The following SLC12A5 variants were observed in gnomAD, a reference collection of about 807,000 sequenced individuals.
SLC12A5 encodes K-Cl cotransporter 2.
SLC12A5 carries 18 observed loss-of-function variants against 124.0 expected under a neutral mutation model. The observed-to-expected ratio is 0.15, with a 90% CI of 0.10 to 0.22. SLC12A5 has a LOEUF of 0.22. Among genes scored for constraint, SLC12A5 ranks in the 10% least tolerant of loss-of-function variants. SLC12A5 has a pLI of 1.00. For missense variants in SLC12A5, 867 were observed against 1,478.7 expected (o/e 0.59, Z 6.78); for synonymous variants, 589 against 568.0 (o/e 1.04, Z -0.53).
chr20:46,029,058 T>A (rs2084421414), upstream of SLC12A5: 4 of 1,175,064 alleles, frequency 3.4e-6, no homozygotes, highest in South Asian at 5.0e-5. Context: ...CCCCTCATCT[T>A]CTCTTCTCTC....
intron 21 of SLC12A5, among the ~76,000 whole-genome samples, chr20:46,055,403 G>A (rs1425972363): frequency 2.0e-5 from 3 of 152,174 alleles, no homozygotes; most frequent in Non-Finnish European, 2.9e-5. Context: ...ACAGATGGGT[G>A]TTTAGAGATA....
intron 1 of SLC12A5, among the ~76,000 whole-genome samples, chr20:46,033,863 G>A (rs1050327974): frequency 2.0e-5 from 3 of 152,078 alleles, no homozygotes; most frequent in Non-Finnish European, 4.4e-5. Flanking sequence ...CCCTTACCTG[G>A]GTTACTGAAA....
chr20:46,037,814 G>T (rs1284268909), intron 6 of SLC12A5, among the ~76,000 whole-genome samples: 1 of 152,236 alleles, frequency 6.6e-6, no homozygotes, highest in Non-Finnish European at 1.5e-5. Flanking sequence ...TTATGCAGCA[G>T]CTACCATTGT....
intron 1 of SLC12A5, among the ~76,000 whole-genome samples, chr20:46,032,259 G>A (rs111768130): frequency 6.6e-6 from 1 of 152,362 alleles, no homozygotes; most frequent in African/African-American, 2.4e-5. Context: ...GGGCCAGGAA[G>A]CCCCTATTCC....
intron 16 of SLC12A5, among the ~76,000 whole-genome samples, chr20:46,049,277 C>T (rs538354851): frequency 5.8e-4 from 88 of 152,172 alleles, no homozygotes; most frequent in African/African-American, 2.0e-3. Flanking sequence ...TTTATGTACA[C>T]GTGGGCGGGC....
chr20:46,042,515 G>A (rs542522297), intron 8 of SLC12A5, among the ~76,000 whole-genome samples: 6 of 152,104 alleles, frequency 3.9e-5, no homozygotes, highest in African/African-American at 1.2e-4. Context: ...GTCTGCAGAC[G>A]TTTTTGGTTG....
intron 18 of SLC12A5, 67 bp downstream of exon 18, chr20:46,051,937 A>G: frequency 7.6e-7 from 1 of 1,312,396 alleles, no homozygotes; most frequent in South Asian, 1.5e-5. Flanking sequence ...GTGGAACTGG[A>G]TTTCCGCTCC....
Position 46,041,559 on chromosome 20 carries a change from G to A in SLC12A5, c.1066+19G>A, listed in dbSNP as rs1434723266. On this transcript the variant is annotated intron_variant, in intron 8 of 25. Transcript: ENST00000243964. ...ATCAAAGGTCTGCGGAGGGACAAGG[G>A]CTGGCATCCAGGGAACGCTGCAGGG... 2.5e-6 allele frequency: 4 copies of A among 1,612,758 alleles called. No individual in the cohort carries two copies. The highest frequency in any genetic ancestry group is 2.2e-5 in the South Asian group (2 of 90,930).
Position 46,055,127 on chromosome 20 carries a change from C to T in SLC12A5, c.2787+104C>T. ...TGACACTCCTGGCATTTCAACTTCA[C>T]CCTCATCTCCCTGATTCCCCCAACC... On this transcript the variant is annotated intron_variant, in intron 21 of 25. Coordinates refer to ENST00000243964, the MANE Select transcript of SLC12A5 (RefSeq NM_020708.5). 6.6e-6 allele frequency: 5 copies of T among 753,364 alleles called. 1 individual carries two copies. Among genetic ancestry groups the T allele is most frequent in the South Asian group, 3.3e-5 (2 of 61,292 alleles). The allele number at this position is 753,364 out of a possible 1,614,324, so 46.7% of individuals were successfully genotyped here. A position where few individuals can be genotyped will look rare whatever the true frequency, so the allele number is the denominator to read the frequency against.
upstream of SLC12A5, among the ~76,000 whole-genome samples, chr20:46,027,434 C>T (rs1296910135): frequency 6.6e-6 from 1 of 152,136 alleles, no homozygotes; most frequent in Non-Finnish European, 1.5e-5. Context: ...AAAGCTGAGC[C>T]CTGGATCCTG....
rs1421201219 is a variant in SLC12A5 at position 46,056,725 on chromosome 20, C to T, written c.3110+161C>T. 6.6e-6 allele frequency among the ~76,000 whole-genome samples: 1 copy of T among 152,116 alleles called. No individual in the cohort carries two copies. The highest frequency in any genetic ancestry group is 1.5e-5 in the Non-Finnish European group (1 of 68,008). ...ATCTGAGGACTTAGGGGGTTGGGCCCCATTGCTAAGTCTCAGAATTCCCAG... is the reference window on the plus strand; with the variant it reads ...ATCTGAGGACTTAGGGGGTTGGGCCTCATTGCTAAGTCTCAGAATTCCCAG... On this transcript the variant is annotated intron_variant, in intron 23 of 25. Transcript: ENST00000243964. This position sits in a 1 kb window ranked among gnomAD's most constrained non-coding sequence, Gnocchi z 4.3.
In SLC12A5 at chr20:46,043,660, G is replaced by A; in HGVS notation, c.1265G>A (p.Gly422Glu). The A allele has an allele frequency of 6.2e-7, 1 of 1,614,170 alleles. No individual in the cohort carries two copies. Among genetic ancestry groups the A allele is most frequent in the Non-Finnish European group, 8.5e-7 (1 of 1,180,030 alleles). The change falls in exon 10 of 26, where the codon GGG (glycine) becomes GAG (glutamate). Residue 422 changes from glycine (G) to glutamate (E), a missense_variant. Physicochemically the swap from Gly to Glu is moderately conservative, Grantham distance 98 (BLOSUM62 -2). This residue lies in a region of SLC12A5 where 152 missense variants were observed against 358.7 expected (regional missense o/e 0.42). Transcript: ENST00000243964. ...ATCATGGCTGGTTCTAACCGCTCTG[G>A]GGACCTGAGGGATGCCCAGAAGTCA... is the stretch of plus-strand genomic sequence containing the variant. ...TGIMAGSNRS[G>E]DLRDAQKSIP...
intron 20 of SLC12A5, among the ~76,000 whole-genome samples, chr20:46,054,285 T>G (rs1017403911): frequency 1.3e-5 from 2 of 152,168 alleles, no homozygotes; most frequent in Non-Finnish European, 2.9e-5. Flanking sequence ...AATACAGTAA[T>G]CTTAAGGGAA....
chr20:46,053,010 G>T lies in SLC12A5; in HGVS notation c.2431G>T (p.Val811Phe). 7 of 1,614,132 alleles carry T rather than the reference G, an allele frequency of 4.3e-6. No homozygotes were observed. The highest frequency in any genetic ancestry group is 1.1e-5 in the South Asian group (1 of 91,078). ...CTTAGCCCTGCTGGTCACCAAGAAC[G>T]TTTCCATGTTTCCTGGGAACCCTGA... is the stretch of plus-strand genomic sequence containing the variant. Reference protein sequence around the residue: ...GHLALLVTKNVSMFPGNPERF... With the variant: ...GHLALLVTKNFSMFPGNPERF... Residue 811 changes from valine to phenylalanine, a missense_variant, in exon 19 of 26, where the codon GTT (valine) becomes TTT (phenylalanine). Val to Phe is a conservative substitution (Grantham distance 50, BLOSUM62 -1). This residue lies in a region of SLC12A5 where 110 missense variants were observed against 149.9 expected (regional missense o/e 0.73). Coordinates refer to ENST00000243964, the MANE Select transcript of SLC12A5 (RefSeq NM_020708.5). The surrounding 1 kb of genome is among the most constrained non-coding windows in gnomAD (Gnocchi z 4.7).
intron 3 of SLC12A5, 100 bp from the exon 4 acceptor site, chr20:46,035,677 G>A (rs1214288617): frequency 5.3e-6 from 8 of 1,519,760 alleles, no homozygotes; most frequent in African/African-American, 4.1e-5. Flanking sequence ...TGAGAATAGA[G>A]AGAAGAGGAA....
intron 1 of SLC12A5, among the ~76,000 whole-genome samples, chr20:46,033,743 G>A (rs750148890): frequency 5.3e-5 from 8 of 151,992 alleles, no homozygotes; most frequent in Non-Finnish European, 8.8e-5. Flanking sequence ...GCTAGAAACC[G>A]CAGACATTAT....
Position 46,049,779 on chromosome 20 carries a change from C to A in SLC12A5, c.2170C>A (p.Arg724=), listed in dbSNP as rs532191036. Residue 724 remains arginine, a synonymous_variant, in exon 17 of 26, where the codon CGG becomes AGG. Coordinates refer to ENST00000243964, the MANE Select transcript of SLC12A5 (RefSeq NM_020708.5). ...TFLENHPQAQ[R]AEESIRRLME... ...TCTGGAAAATCATCCACAGGCCCAG[C>A]GGGCAGAAGAGGTGAGCAGAGGCCC... 11 of 1,594,462 alleles carry A rather than the reference C, an allele frequency of 6.9e-6. No individual in the cohort carries two copies. The African/African-American group carries it at 1.1e-4, about 16-fold the overall frequency.
Position 46,056,662 on chromosome 20 carries a change from GCCTGCAGA to G in SLC12A5, c.3110+101_3110+108del, listed in dbSNP as rs1270310327. ...GAGCAGAAGGCATCCTGGTCTGTCA[GCCTGCAGA>G]CCCAGCTCAGACATTGTCTTGGTTT... On this transcript the variant is annotated intron_variant, in intron 23 of 25. Coordinates refer to ENST00000243964, the MANE Select transcript of SLC12A5 (RefSeq NM_020708.5). The surrounding 1 kb of genome is among the most constrained non-coding windows in gnomAD (Gnocchi z 4.3). 3.0e-6 allele frequency: 4 copies of G among 1,328,914 alleles called. No individual in the cohort carries two copies. In the East Asian group the frequency reaches 7.2e-5, roughly 24 times the overall value. The allele number at this position is 1,328,914 out of a possible 1,614,324, so 82.3% of individuals were successfully genotyped here. A position where few individuals can be genotyped will look rare whatever the true frequency, so the allele number is the denominator to read the frequency against.
intron 3 of SLC12A5, 68 bp downstream of exon 3, chr20:46,035,603 G>A (rs2084491154): frequency 1.3e-6 from 2 of 1,505,310 alleles, no homozygotes; most frequent in Non-Finnish European, 1.8e-6. Context: ...GATGGGGGAG[G>A]AAAATGGATT....
Sources: gnomAD v4.1 joint callset for allele counts (sites outside exome capture counted in the v4.1 genomes callset) on GRCh38, gnomAD v4.1.1 for gene constraint, gnomAD v4.1.1 regional missense constraint, Gnocchi (gnomAD v3.1) non-coding constraint, MANE v1.5 for transcripts, NCBI Gene and HGNC (gene_info 2026-07-23, HGNC 2026-07-21) for gene names.